IRF2: variants seen among roughly 807,000 people sequenced by gnomAD.
IRF2 encodes interferon regulatory factor 2.
A neutral mutation model predicts 40.6 loss-of-function variants in IRF2; 15 were observed. The ratio of observed to expected loss-of-function variants is 0.37; its 90% CI spans 0.25 to 0.57. The LOEUF is 0.57. Among genes scored for constraint, IRF2 ranks in the 20% least tolerant of loss-of-function variants. The pLI, the probability that IRF2 is intolerant of heterozygous loss-of-function variation, is 0.77. For missense variants in IRF2, 317 were observed against 455.7 expected (o/e 0.70, Z 2.77); for synonymous variants, 151 against 165.5 (o/e 0.91, Z 0.67).
intron 4 of IRF2, 110 bp from the exon 5 acceptor site, chr4:184,418,323 C>G: frequency 9.7e-7 from 1 of 1,030,340 alleles, no homozygotes. Flanking sequence ...TTGCTTTAAT[C>G]TGTACATGGT....
rs151129886 is a variant in IRF2 at position 184,440,276 on chromosome 4, C to T, written c.-6-11206G>A. Among the ~76,000 whole-genome samples, 473 of 152,326 alleles carry T rather than the reference C, an allele frequency of 3.1e-3. 3 individuals are homozygous for T. The highest frequency in any genetic ancestry group is 0.011 in the African/African-American group (461 of 41,582). On this transcript the variant is annotated intron_variant, in intron 1 of 8. Transcript: ENST00000393593. ...CGCGGCAGCCTGTTCAGGGGCTCTCCGCTCTGCCCCGAGCTGCTGCAGCGT... is the reference window on the plus strand; with the variant it reads ...CGCGGCAGCCTGTTCAGGGGCTCTCTGCTCTGCCCCGAGCTGCTGCAGCGT...
intron 6 of IRF2, among the ~76,000 whole-genome samples, chr4:184,406,727 G>A (rs931172613): frequency 6.6e-6 from 1 of 152,138 alleles, no homozygotes; most frequent in African/African-American, 2.4e-5. Flanking sequence ...GGTGGCCCTC[G>A]TGGGGACCCT....
intron 6 of IRF2, among the ~76,000 whole-genome samples, chr4:184,403,463 G>A (rs1579807395): frequency 6.6e-6 from 1 of 152,118 alleles, no homozygotes; most frequent in African/African-American, 2.4e-5. Flanking sequence ...CTGTCTTTCT[G>A]AGCACTGATC....
At chr4:184,452,493 G>A (rs1226810712) in intron 1 of IRF2, among the ~76,000 whole-genome samples, 4 of 152,122 alleles carry the variant, frequency 2.6e-5, no homozygotes, top group Admixed American at 2.0e-4. Flanking sequence ...CAACAACATG[G>A]ACCGTGGAGC....
At chr4:184,399,894 A>T (rs1156735257) in intron 6 of IRF2, among the ~76,000 whole-genome samples, 1 of 152,232 alleles carries the variant, frequency 6.6e-6, no homozygotes, top group Non-Finnish European at 1.5e-5. Flanking sequence ...GTAAACTCAC[A>T]TACAGTTGTA....
At chr4:184,450,480 A>G (rs1738675464) in intron 1 of IRF2, among the ~76,000 whole-genome samples, 1 of 152,222 alleles carries the variant, frequency 6.6e-6, no homozygotes, top group Non-Finnish European at 1.5e-5. Flanking sequence ...TAGTTCTGAA[A>G]TGAAAAAATG....
chr4:184,407,454 C>A lies in IRF2; in HGVS notation c.529+704G>T, dbSNP rs139733618. 2.0e-3 allele frequency among the ~76,000 whole-genome samples: 312 copies of A among 152,344 alleles called. 5 individuals are homozygous for A. Among genetic ancestry groups the A allele is most frequent in the African/African-American group, 6.7e-3 (279 of 41,572 alleles). Reference sequence around the variant, plus strand: ...GCCTGCATCTTTACAGGGGGTGCAGCTAGCTACATCTGGAAGTTGTTCAAC... The same window carrying A: ...GCCTGCATCTTTACAGGGGGTGCAGATAGCTACATCTGGAAGTTGTTCAAC... On this transcript the variant is annotated intron_variant, in intron 6 of 8. Coordinates refer to ENST00000393593, the MANE Select transcript of IRF2 (RefSeq NM_002199.4).
At chr4:184,407,986 C>T (rs777314231) in intron 6 of IRF2, among the ~76,000 whole-genome samples, 172 bp downstream of exon 6, 5 of 152,172 alleles carry the variant, frequency 3.3e-5, no homozygotes, top group African/African-American at 9.7e-5. Context: ...TTATCTGATC[C>T]TCAAAAGCCT....
chr4:184,426,668 C>A (rs183218571), intron 2 of IRF2, among the ~76,000 whole-genome samples: 1 of 152,184 alleles, frequency 6.6e-6, no homozygotes, highest in Non-Finnish European at 1.5e-5. Context: ...TTAGTCTAAA[C>A]CAACCACAGC....
rs2149889206 is a variant in IRF2, at chr4:184,388,785, G to A, written c.1023C>T (p.Ile341=). The change falls in exon 9 of 9, where the codon ATC becomes ATT. Residue 341 remains isoleucine (I), a synonymous_variant. Coordinates refer to ENST00000393593, the MANE Select transcript of IRF2 (RefSeq NM_002199.4). The surrounding 1 kb of genome is among the most constrained non-coding windows in gnomAD (Gnocchi z 4.6). ...AACAGCTCTTGACGCGGGCCTGGGT[G>A]ATATCCGATGTTTTCTTGATGACGC... ...RASVIKKTSD[I]TQARVKSC 2 of 1,612,964 alleles carry A rather than the reference G, an allele frequency of 1.2e-6. No homozygotes were observed. Among genetic ancestry groups the A allele is most frequent in the Non-Finnish European group, 1.7e-6 (2 of 1,179,992 alleles).
At chr4:184,410,717 T>C (rs1737039540) in intron 5 of IRF2, among the ~76,000 whole-genome samples, 1 of 152,254 alleles carries the variant, frequency 6.6e-6, no homozygotes, top group Admixed American at 6.5e-5. Context: ...TTTCTAGGTT[T>C]CTTATAAAAG....
chr4:184,445,410 T>C (rs1267601870), intron 1 of IRF2, among the ~76,000 whole-genome samples: 3 of 151,998 alleles, frequency 2.0e-5, no homozygotes. Flanking sequence ...TCCCAGCACT[T>C]TGGGAGGCCA....
chr4:184,410,604 C>A (rs1303755131), intron 5 of IRF2, among the ~76,000 whole-genome samples: 3 of 152,196 alleles, frequency 2.0e-5, no homozygotes, highest in Non-Finnish European at 4.4e-5. Context: ...CTCTTCAACT[C>A]CCTCAAAAAG....
chr4:184,388,872 G>C lies in IRF2; in HGVS notation c.936C>G (p.Pro312=). The C allele has an allele frequency of 1.9e-6, 3 of 1,614,088 alleles. No individual in the cohort carries two copies. Among genetic ancestry groups the C allele is most frequent in the Non-Finnish European group, 2.5e-6 (3 of 1,180,018 alleles). The change falls in exon 9 of 9, where the codon CCC becomes CCG. Residue 312 remains proline, a synonymous_variant. Transcript: ENST00000393593. The surrounding 1 kb of genome is among the most constrained non-coding windows in gnomAD (Gnocchi z 4.6). ...ATGCTGGGGTCATGGAGGAAGAAAG[G>C]GGGAGGTCTTGAAAAGGGGGCCAGG... ...NSSWPPFQDL[P]LSSSMTPASS...
At chr4:184,410,818 A>C (rs1183982106) in intron 5 of IRF2, among the ~76,000 whole-genome samples, 2 of 152,242 alleles carry the variant, frequency 1.3e-5, no homozygotes, top group East Asian at 1.9e-4. Flanking sequence ...CATGATCTAC[A>C]GTTTAATTAG....
intron 1 of IRF2, among the ~76,000 whole-genome samples, chr4:184,465,811 T>TCAATAA (rs1428847178): frequency 2.0e-5 from 3 of 152,254 alleles, no homozygotes; most frequent in Non-Finnish European, 4.4e-5. Context: ...TCCGTGTACA[T>TCAATAA]ACATCTTTGT....
At chr4:184,389,915 G>A (rs1736194681) in intron 8 of IRF2, among the ~76,000 whole-genome samples, 1 of 152,236 alleles carries the variant, frequency 6.6e-6, no homozygotes. Flanking sequence ...TGTACAGCAA[G>A]CAGCGGCCTC....
intron 1 of IRF2, among the ~76,000 whole-genome samples, chr4:184,460,118 C>T (rs1165540442): frequency 3.9e-5 from 6 of 152,156 alleles, no homozygotes; most frequent in Non-Finnish European, 1.5e-5. Flanking sequence ...GATGAATGGA[C>T]GAACACAATC....
At chr4:184,401,127 G>A (rs1034507306) in intron 6 of IRF2, among the ~76,000 whole-genome samples, 12 of 152,214 alleles carry the variant, frequency 7.9e-5, no homozygotes, top group Admixed American at 2.6e-4. Flanking sequence ...CTCACCAATC[G>A]GCAAAGTATT....
Sources: gnomAD v4.1 joint callset for allele counts (sites outside exome capture counted in the v4.1 genomes callset) on GRCh38, gnomAD v4.1.1 for gene constraint, Gnocchi (gnomAD v3.1) non-coding constraint, MANE v1.5 for transcripts, NCBI Gene and HGNC (gene_info 2026-07-23, HGNC 2026-07-21) for gene names.